The following ELP4 variants were observed in gnomAD, a reference collection of about 807,000 sequenced individuals.
ELP4 encodes the protein elongator complex protein 4.
Under a neutral mutation model 48.9 loss-of-function variants are expected in ELP4, and 51 were observed. The ratio of observed to expected loss-of-function variants is 1.04; its 90% confidence interval spans 0.83 to 1.32. The LOEUF is 1.32. Among genes scored for constraint, ELP4 ranks in the 40% most tolerant of loss-of-function variants. The pLI is 0.00. For missense variants in ELP4, 519 were observed against 514.6 expected, an observed-to-expected ratio of 1.01 and a Z score of -0.08; for synonymous variants, 210 against 189.2, an observed-to-expected ratio of 1.11 and a Z score of -0.90.
chr11:31,676,015 C>T (rs112953548), intron 9 of ELP4, among the ~76,000 whole-genome samples: 51 of 152,220 alleles, frequency 3.4e-4, no homozygotes, highest in African/African-American at 1.2e-3. Flanking sequence ...CATTTCACTG[C>T]TCAAACTCTG....
intron 1 of ELP4, among the ~76,000 whole-genome samples, chr11:31,516,026 G>A (rs1197054268): frequency 6.6e-6 from 1 of 151,782 alleles, no homozygotes; most frequent in East Asian, 2.0e-4. Context: ...CAGGAGAATG[G>A]GGGGTGAAAC....
At chr11:31,681,823 C>G (rs1456033812) in intron 9 of ELP4, 1 of 220,576 alleles carries the variant, frequency 4.5e-6, no homozygotes, top group Non-Finnish European at 9.4e-6. Context: ...CTCACGGCAA[C>G]CTCGCCTCCT....
At chr11:31,722,685 C>G (rs2134188413) in intron 9 of ELP4, among the ~76,000 whole-genome samples, 1 of 134,198 alleles carries the variant, frequency 7.5e-6, no homozygotes, top group African/African-American at 3.2e-5. Flanking sequence ...CTCTCTCTCT[C>G]TCTCTCTCTC....
At chr11:31,510,101 C>A in intron 1 of ELP4, 94 bp downstream of exon 1, 1 of 1,156,974 alleles carries the variant, frequency 8.6e-7, no homozygotes, top group Middle Eastern at 2.8e-4. Flanking sequence ...CTCTTTCTGA[C>A]CCCTAAACCT....
At chr11:31,547,926 A>G (rs1956764408) in intron 3 of ELP4, among the ~76,000 whole-genome samples, 1 of 152,208 alleles carries the variant, frequency 6.6e-6, no homozygotes, top group Non-Finnish European at 1.5e-5. Flanking sequence ...GCCTTTGACA[A>G]AATTCAACAA....
chr11:31,726,171 C>T (rs1947072151), intron 9 of ELP4, among the ~76,000 whole-genome samples: 1 of 151,922 alleles, frequency 6.6e-6, no homozygotes, highest in African/African-American at 2.4e-5. Context: ...AATGAAAATA[C>T]AGGATATAAG....
chr11:31,618,220 C>T (rs558575628), intron 5 of ELP4, among the ~76,000 whole-genome samples: 1 of 152,152 alleles, frequency 6.6e-6, no homozygotes, highest in African/African-American at 2.4e-5. Context: ...TGAGAGAAAA[C>T]AATTGTCTTA....
chr11:31,565,969 G>A (rs531078674), intron 3 of ELP4, among the ~76,000 whole-genome samples: 2 of 152,190 alleles, frequency 1.3e-5, no homozygotes, highest in South Asian at 4.1e-4. Context: ...TGAGCATTAT[G>A]GCCATTTTCA....
chr11:31,625,777 A>T (rs1031976051), intron 5 of ELP4, among the ~76,000 whole-genome samples: 2 of 151,824 alleles, frequency 1.3e-5, no homozygotes, highest in Admixed American at 1.3e-4. Context: ...TTAGAATTGA[A>T]TCTACTGCAC....
At chr11:31,567,511 C>T (rs1294294472) in intron 3 of ELP4, among the ~76,000 whole-genome samples, 2 of 152,130 alleles carry the variant, frequency 1.3e-5, no homozygotes, top group Non-Finnish European at 2.9e-5. Flanking sequence ...TGCTTCCAGG[C>T]TGACAGTTAT....
chr11:31,560,702 A>AT (rs1957007437), intron 3 of ELP4, among the ~76,000 whole-genome samples: 2 of 147,888 alleles, frequency 1.4e-5, no homozygotes, highest in Admixed American at 1.4e-4. Flanking sequence ...ATATATATAT[A>AT]AAACAACGTT....
chr11:31,735,341 A>G (rs1440222991), intron 9 of ELP4, among the ~76,000 whole-genome samples: 1 of 152,150 alleles, frequency 6.6e-6, no homozygotes, highest in Non-Finnish European at 1.5e-5. Context: ...TGAAAAGCAC[A>G]GGTAACAAAA....
chr11:31,718,663 T>G (rs750078215), intron 9 of ELP4, among the ~76,000 whole-genome samples: 2 of 152,224 alleles, frequency 1.3e-5, no homozygotes, highest in Non-Finnish European at 2.9e-5. Context: ...CACCTGTGTG[T>G]AGCCTTTGCA....
At chr11:31,673,801 A>G (rs918295697) in intron 9 of ELP4, among the ~76,000 whole-genome samples, 3 of 152,206 alleles carry the variant, frequency 2.0e-5, no homozygotes, top group African/African-American at 7.2e-5. Flanking sequence ...AACATGCTAA[A>G]TTTGTTTGGA....
intron 7 of ELP4, among the ~76,000 whole-genome samples, chr11:31,639,486 A>G (rs151151117): frequency 6.6e-6 from 1 of 152,014 alleles, no homozygotes; most frequent in East Asian, 1.9e-4. Flanking sequence ...CAGACTACAC[A>G]TGCTGATACC....
chr11:31,680,505 TA>T (rs1385989800), intron 9 of ELP4, among the ~76,000 whole-genome samples: 1 of 152,078 alleles, frequency 6.6e-6, no homozygotes, highest in Non-Finnish European at 1.5e-5. Context: ...GAGTTTCGGA[TA>T]GGGGTTGTGG....
chr11:31,602,032 G>A (rs982493724), intron 4 of ELP4, among the ~76,000 whole-genome samples: 5 of 152,042 alleles, frequency 3.3e-5, no homozygotes, highest in African/African-American at 9.7e-5. Context: ...TCTCAAAGAG[G>A]ATCCTGGAAA....
chr11:31,764,917 T>C (rs2134259778), intron 9 of ELP4, among the ~76,000 whole-genome samples: 1 of 152,328 alleles, frequency 6.6e-6, no homozygotes, highest in East Asian at 1.9e-4. Flanking sequence ...AACGTTTTAG[T>C]CCATTTCTGA....
At position 31,789,850 on chromosome 11, in the gene ELP4, C is replaced by T; in HGVS notation, c.*6326C>T. ...CTCTAACAGCCATTTTTCTTTCTTT[C>T]CTGAAAGCTCAACTGTTGTGTCCCC... On this transcript the variant is annotated 3_prime_UTR_variant, in exon 10 of 10. Transcript: ENST00000640961. 2 of 1,280,748 alleles carry T rather than the reference C, an allele frequency of 1.6e-6. No individual in the cohort carries two copies. Among genetic ancestry groups the T allele is most frequent in the Non-Finnish European group, 2.2e-6 (2 of 899,206 alleles). 79.3% of individuals were successfully genotyped at this position (1,280,748 alleles called of 1,614,324 possible). A position where few individuals can be genotyped will look rare whatever the true frequency, so the allele number is the denominator to read the frequency against.
Sources: allele counts gnomAD v4.1 joint callset (sites outside exome capture counted in the v4.1 genomes callset), GRCh38; gene constraint gnomAD v4.1.1; transcripts MANE v1.5; gene names NCBI Gene and HGNC (gene_info 2026-07-23, HGNC 2026-07-21).